EXOC6B: variants seen among roughly 807,000 people sequenced by gnomAD.
EXOC6B encodes SEC15 homolog B.
EXOC6B carries 54 observed loss-of-function variants against 113.5 expected under a neutral mutation model. The ratio of observed to expected loss-of-function variants is 0.48; its 90% CI spans 0.38 to 0.60. EXOC6B has a LOEUF of 0.60. EXOC6B is among the 20% of genes least tolerant of loss of function. The pLI is 0.00. For missense variants in EXOC6B, 797 were observed against 977.5 expected (o/e 0.82, Z 2.46); for synonymous variants, 357 against 339.0 (o/e 1.05, Z -0.58).
At chr2:72,349,331 G>T (rs965403946) in intron 19 of EXOC6B, among the ~76,000 whole-genome samples, 2 of 152,100 alleles carry the variant, frequency 1.3e-5, no homozygotes, top group Non-Finnish European at 1.5e-5. Flanking sequence ...AGCTCCTTTT[G>T]GCAATATCTG....
At chr2:72,687,199 T>A (rs756238321) in intron 6 of EXOC6B, among the ~76,000 whole-genome samples, 1 of 152,196 alleles carries the variant, frequency 6.6e-6, no homozygotes, top group Non-Finnish European at 1.5e-5. Flanking sequence ...TATGTTTTTC[T>A]TACTTTATAG....
At chr2:72,268,020 G>A (rs1003702737) in intron 20 of EXOC6B, among the ~76,000 whole-genome samples, 13 of 152,298 alleles carry the variant, frequency 8.5e-5, no homozygotes, top group Admixed American at 8.5e-4. Flanking sequence ...GGAACATCTT[G>A]AATGTTTATT....
At chr2:72,656,448 T>C (rs1467140057) in intron 6 of EXOC6B, among the ~76,000 whole-genome samples, 1 of 151,804 alleles carries the variant, frequency 6.6e-6, no homozygotes, top group African/African-American at 2.4e-5. Flanking sequence ...AAAGACATGA[T>C]TACATAAAAC....
chr2:72,820,897 T>C (rs1331232936), intron 1 of EXOC6B, among the ~76,000 whole-genome samples: 1 of 151,864 alleles, frequency 6.6e-6, no homozygotes, highest in African/African-American at 2.4e-5. Flanking sequence ...AGAAAAAATA[T>C]AGGAGCAAAT....
intron 20 of EXOC6B, among the ~76,000 whole-genome samples, chr2:72,278,959 G>A (rs1165208538): frequency 2.6e-5 from 4 of 152,060 alleles, no homozygotes; most frequent in East Asian, 1.9e-4. Context: ...GGATGAGTGT[G>A]GAAAAAACTC....
chr2:72,278,487 T>C (rs888339849), intron 20 of EXOC6B, among the ~76,000 whole-genome samples: 17 of 152,222 alleles, frequency 1.1e-4, no homozygotes, highest in African/African-American at 4.1e-4. Flanking sequence ...AAAGAAGTCA[T>C]TTAATGTCTG....
At chr2:72,816,563 C>G (rs2105152864) in intron 1 of EXOC6B, among the ~76,000 whole-genome samples, 1 of 152,236 alleles carries the variant, frequency 6.6e-6, no homozygotes, top group South Asian at 2.1e-4. Context: ...TTTGTTAGAT[C>G]TATGATTCAT....
intron 6 of EXOC6B, among the ~76,000 whole-genome samples, chr2:72,711,406 A>G (rs975198345): frequency 1.3e-5 from 2 of 152,208 alleles, no homozygotes; most frequent in African/African-American, 4.8e-5. Flanking sequence ...AATGACAACA[A>G]CAAACGCAAT....
At chr2:72,483,058 A>G (rs1301800028) in intron 16 of EXOC6B, among the ~76,000 whole-genome samples, 5 of 152,192 alleles carry the variant, frequency 3.3e-5, no homozygotes, top group African/African-American at 1.2e-4. Context: ...CAAGACTACT[A>G]CGTCCTATAA....
intron 6 of EXOC6B, among the ~76,000 whole-genome samples, chr2:72,606,655 GT>G (rs1670774329): frequency 6.7e-6 from 1 of 149,064 alleles, no homozygotes; most frequent in Non-Finnish European, 1.5e-5. Context: ...TTTAGACAGG[GT>G]CTTGTTTTGT....
chr2:72,559,745 C>T (rs1047483520), intron 7 of EXOC6B, among the ~76,000 whole-genome samples: 7 of 152,128 alleles, frequency 4.6e-5, no homozygotes, highest in South Asian at 4.1e-4. Flanking sequence ...TGGCACAAAG[C>T]CCACAAGGAT....
intron 6 of EXOC6B, among the ~76,000 whole-genome samples, chr2:72,588,371 T>C (rs886312850): frequency 6.8e-6 from 1 of 147,726 alleles, no homozygotes; most frequent in African/African-American, 2.4e-5. Context: ...TTCTGTCACA[T>C]TTTACAGCAT....
At chr2:72,482,642 T>C (rs1353133039) in intron 16 of EXOC6B, among the ~76,000 whole-genome samples, 1 of 152,180 alleles carries the variant, frequency 6.6e-6, no homozygotes, top group East Asian at 1.9e-4. Context: ...TATCAAGCTG[T>C]AGGATATTAA....
intron 18 of EXOC6B, among the ~76,000 whole-genome samples, chr2:72,396,693 T>G (rs1459569471): frequency 6.6e-6 from 1 of 152,118 alleles, no homozygotes; most frequent in Non-Finnish European, 1.5e-5. Context: ...AGCCATTATG[T>G]TAGAATATGG....
chr2:72,794,635 A>C (rs1281478434), intron 1 of EXOC6B, among the ~76,000 whole-genome samples: 1 of 152,238 alleles, frequency 6.6e-6, no homozygotes, highest in Non-Finnish European at 1.5e-5. Flanking sequence ...AAATGACCAA[A>C]GAAACACTGA....
chr2:72,487,594 C>CAG (rs1403891143), intron 16 of EXOC6B, among the ~76,000 whole-genome samples: 18 of 152,116 alleles, frequency 1.2e-4, no homozygotes, highest in Non-Finnish European at 2.6e-4. Context: ...CTCCTGAGCT[C>CAG]GTGATTCACC....
chr2:72,817,417 G>GTTCTTT (rs1686313079), intron 1 of EXOC6B, among the ~76,000 whole-genome samples: 1 of 152,164 alleles, frequency 6.6e-6, no homozygotes, highest in African/African-American at 2.4e-5. Context: ...TTTTAAGACA[G>GTTCTTT]TTAATCTGCA....
At chr2:72,463,872 A>T (rs1573181820) in intron 18 of EXOC6B, 1 of 152,234 alleles carries the variant, frequency 6.6e-6, no homozygotes, top group Admixed American at 6.6e-5. Context: ...GAAGTCCAAC[A>T]TCAAGGTATC....
Position 72,736,606 on chromosome 2 carries a change from A to T in EXOC6B, c.280-3488T>A, listed in dbSNP as rs547078755. ...CCTCAGCAAGTTGAAGGAATTTGCA[A>T]CTTGAAGAAATTTGATGGAAGGCAA... is the stretch of plus-strand genomic sequence containing the variant. On this transcript the variant is annotated intron_variant, in intron 2 of 21. Transcript: ENST00000272427. Among the ~76,000 whole-genome samples, 107 of 152,296 alleles carry T rather than the reference A, an allele frequency of 7.0e-4. 1 individual carries two copies. The highest frequency in any genetic ancestry group is 2.1e-3 in the African/African-American group (89 of 41,568).
Sources: allele counts gnomAD v4.1 joint callset (sites outside exome capture counted in the v4.1 genomes callset), GRCh38; gene constraint gnomAD v4.1.1; transcripts MANE v1.5; gene names NCBI Gene and HGNC (gene_info 2026-07-23, HGNC 2026-07-21).